The following SNTN variants were observed in gnomAD, a reference collection of about 807,000 sequenced individuals.
The protein encoded by SNTN is sentan, cilia apical structure protein, also known as sentan.
Under a neutral mutation model 12.3 loss-of-function variants are expected in SNTN, and 13 were observed. The ratio of observed to expected loss-of-function variants is 1.05; its 90% confidence interval spans 0.69 to 1.67. The LOEUF (loss-of-function observed/expected upper bound fraction) is 1.67, where lower values mean the gene tolerates loss of function less well. SNTN is among the 40% of genes most tolerant of loss of function. SNTN has a pLI of 0.00. For synonymous variants in SNTN, 69 were observed against 58.5 expected, an observed-to-expected ratio of 1.18 and a Z score of -0.82; for missense variants, 189 against 169.8, an observed-to-expected ratio of 1.11 and a Z score of -0.63.
chr3:63,655,726 A>G lies in SNTN; in HGVS notation c.145+930A>G, dbSNP rs180842200. ...CCACATTTATTCTTATGCCTTAAAA[A>G]AAACACAGGATAAACATGATTCATC... On this transcript the variant is annotated intron_variant, in intron 2 of 3. Coordinates refer to ENST00000343837, the MANE Select transcript of SNTN (RefSeq NM_001080537.2). Among the ~76,000 whole-genome samples the G allele has an allele frequency of 2.0e-5, 3 of 152,324 alleles. No homozygotes were observed. The East Asian group carries it at 5.8e-4, about 29-fold the overall frequency.
intron 3 of SNTN, among the ~76,000 whole-genome samples, chr3:63,660,266 G>C (rs1294985441): frequency 6.6e-6 from 1 of 152,096 alleles, no homozygotes; most frequent in African/African-American, 2.4e-5. Flanking sequence ...GATCTGGAGG[G>C]CCAGTTGGTG....
intron 3 of SNTN, 99 bp downstream of exon 3, chr3:63,659,963 A>C: frequency 1.1e-5 from 16 of 1,435,360 alleles, no homozygotes; most frequent in East Asian, 2.3e-5. Context: ...ATGTTGTCTC[A>C]CGTAACAAAT....
intron 2 of SNTN, 52 bp from the exon 3 acceptor site, chr3:63,659,673 G>T: frequency 1.9e-6 from 3 of 1,606,372 alleles, no homozygotes; most frequent in Admixed American, 1.7e-5. Flanking sequence ...CAGGTCTGGG[G>T]AAGGGTTATT....
rs754006156 is a variant in SNTN at position 63,664,068 on chromosome 3, T to C, written c.417T>C (p.Asn139=). ...SITVMSDLLQ[N]IRNVKIMK is the part of the protein sequence containing the mutation. Reference sequence around the variant, plus strand: ...CTGTCATGTCAGATCTGCTACAAAATATACGGAATGTAAAAATTATGAAAT... The same window carrying C: ...CTGTCATGTCAGATCTGCTACAAAACATACGGAATGTAAAAATTATGAAAT... The change falls in exon 4 of 4, where the codon AAT becomes AAC. Residue 139 remains asparagine, a synonymous_variant. Transcript: ENST00000343837. 6.8e-6 allele frequency: 11 copies of C among 1,610,128 alleles called. No individual in the cohort carries two copies. Among genetic ancestry groups the C allele is most frequent in the Non-Finnish European group, 9.3e-6 (11 of 1,178,788 alleles).
chr3:63,652,893 T>G (rs1375235810), intron 1 of SNTN, 96 bp downstream of exon 1: 2 of 1,195,812 alleles, frequency 1.7e-6, no homozygotes, highest in East Asian at 5.0e-5. Context: ...GCCAAGTTAT[T>G]GCCAGTTTGG....
At position 63,657,916 on chromosome 3, in the gene SNTN, A is replaced by G. The variant is rs75047175; in HGVS notation, c.146-1809A>G. On this transcript the variant is annotated intron_variant, in intron 2 of 3. Transcript: ENST00000343837. ...GATACAATAAAAACTGAGAAGGCCC[A>G]CACACTTCCTCCTTTCACCCACTTG... Among the ~76,000 whole-genome samples the G allele has an allele frequency of 1.1e-3, 168 of 152,306 alleles. 5 individuals are homozygous for G. The East Asian group carries it at 0.026, about 24-fold the overall frequency.
At chr3:63,659,953 A>C in intron 3 of SNTN, 89 bp downstream of exon 3, 1 of 1,488,360 alleles carries the variant, frequency 6.7e-7, no homozygotes, top group Non-Finnish European at 9.2e-7. Flanking sequence ...GGTCCCTGTC[A>C]TGTTGTCTCA....
rs766973160 is a variant in SNTN, at chr3:63,659,764, C to T, written c.185C>T (p.Thr62Ile). 5.0e-6 allele frequency: 8 copies of T among 1,614,008 alleles called. No individual in the cohort carries two copies. The highest frequency in any genetic ancestry group is 6.8e-6 in the Non-Finnish European group (8 of 1,179,896). Reference sequence around the variant, plus strand: ...TCAGATCTGGAAAAAGCTATTGCCACCACTGCTCTGATTTTCAGAAATTCT... The same window carrying T: ...TCAGATCTGGAAAAAGCTATTGCCATCACTGCTCTGATTTTCAGAAATTCT... The part of the protein sequence containing the change: ...KCSDLEKAIA[T>I]TALIFRNSSD... Residue 62 changes from threonine (T) to isoleucine (I), a missense_variant, in exon 3 of 4, where the codon ACC becomes ATC. Coordinates refer to ENST00000343837, the MANE Select transcript of SNTN (RefSeq NM_001080537.2).
At chr3:63,663,838 T>C (rs1700769823) in intron 3 of SNTN, 99 bp from the exon 4 acceptor site, 3 of 1,425,404 alleles carry the variant, frequency 2.1e-6, no homozygotes, top group Non-Finnish European at 2.9e-6. Context: ...TCAGGTATTC[T>C]ATTACAGCAA....
chr3:63,658,876 T>C (rs1235776406), intron 2 of SNTN, among the ~76,000 whole-genome samples: 4 of 152,218 alleles, frequency 2.6e-5, no homozygotes, highest in Non-Finnish European at 5.9e-5. Context: ...GATTCATTCA[T>C]TTAACAGCAT....
intron 2 of SNTN, among the ~76,000 whole-genome samples, chr3:63,658,939 G>A (rs541018058): frequency 9.9e-5 from 15 of 152,132 alleles, no homozygotes; most frequent in Non-Finnish European, 2.2e-4. Flanking sequence ...GGAATACAGT[G>A]ATTTTAAGAA....
chr3:63,663,428 A>T (rs909961901), intron 3 of SNTN, among the ~76,000 whole-genome samples: 8 of 152,202 alleles, frequency 5.3e-5, no homozygotes, highest in African/African-American at 1.9e-4. Context: ...ATTGTTAATA[A>T]CATGTTTATT....
chr3:63,657,109 C>G (rs1700687942), intron 2 of SNTN, among the ~76,000 whole-genome samples: 1 of 152,190 alleles, frequency 6.6e-6, no homozygotes, highest in Admixed American at 6.5e-5. Context: ...ATGTTGCTCA[C>G]TGCCCTACGC....
intron 2 of SNTN, among the ~76,000 whole-genome samples, chr3:63,657,191 C>T (rs150928641): frequency 2.0e-5 from 3 of 152,194 alleles, no homozygotes; most frequent in Middle Eastern, 3.4e-3. Flanking sequence ...GAGTATGCAG[C>T]GACTACACAC....
At chr3:63,656,634 A>G (rs1700682420) in intron 2 of SNTN, among the ~76,000 whole-genome samples, 1 of 152,196 alleles carries the variant, frequency 6.6e-6, no homozygotes. Context: ...ATCTATCAGA[A>G]ATTTTAAAAT....
intron 2 of SNTN, among the ~76,000 whole-genome samples, chr3:63,655,275 C>T (rs1700665028): frequency 6.6e-6 from 1 of 152,102 alleles, no homozygotes; most frequent in African/African-American, 2.4e-5. Context: ...TTGGGACTAA[C>T]AACATTGCCA....
chr3:63,659,636 C>A, intron 2 of SNTN, 89 bp from the exon 3 acceptor site: 1 of 1,506,016 alleles, frequency 6.6e-7, no homozygotes, highest in Non-Finnish European at 9.1e-7. Context: ...AGAAGGTTCC[C>A]TACAGTTCCC....
At chr3:63,659,984 C>A in intron 3 of SNTN, 120 bp downstream of exon 3, 3 of 1,196,790 alleles carry the variant, frequency 2.5e-6, no homozygotes, top group Non-Finnish European at 3.6e-6. Context: ...GTTTATTGAA[C>A]ACCTACCTTA....
chr3:63,661,909 T>G (rs1442955465), intron 3 of SNTN, among the ~76,000 whole-genome samples: 1 of 152,158 alleles, frequency 6.6e-6, no homozygotes, highest in Non-Finnish European at 1.5e-5. Flanking sequence ...ACCATCTTGA[T>G]GTAACTCATC....
Sources: allele counts gnomAD v4.1 joint callset (sites outside exome capture counted in the v4.1 genomes callset), GRCh38; gene constraint gnomAD v4.1.1; transcripts MANE v1.5; gene names NCBI Gene and HGNC (gene_info 2026-07-23, HGNC 2026-07-21).